The following ANKRD42 variants were observed in gnomAD, a reference collection of about 807,000 sequenced individuals.
ANKRD42 encodes the protein ankyrin repeat domain 42.
A neutral mutation model predicts 51.5 loss-of-function variants in ANKRD42; 43 were observed. The ratio of observed to expected loss-of-function variants is 0.83; its 90% CI spans 0.65 to 1.08. The LOEUF (loss-of-function observed/expected upper bound fraction) is 1.08. Among genes scored for constraint, ANKRD42 ranks in the 50% least tolerant of loss-of-function variants. The pLI, the probability that ANKRD42 is intolerant of heterozygous loss-of-function variation, is 0.00. For missense variants in ANKRD42, 608 were observed against 629.3 expected, an observed-to-expected ratio of 0.97 and a Z score of 0.36; for synonymous variants, 203 against 213.0, an observed-to-expected ratio of 0.95 and a Z score of 0.41.
chr11:83,234,419 A>G (rs1863167352), intron 7 of ANKRD42, among the ~76,000 whole-genome samples: 1 of 152,140 alleles, frequency 6.6e-6, no homozygotes, highest in Admixed American at 6.5e-5. Context: ...TTGGTCTTAA[A>G]TCTTAATTAT....
intron 5 of ANKRD42, among the ~76,000 whole-genome samples, chr11:83,222,499 A>G (rs1862745862): frequency 6.6e-6 from 1 of 152,206 alleles, no homozygotes; most frequent in Non-Finnish European, 1.5e-5. Context: ...AGAGTATTAG[A>G]GGGCATGGAA....
chr11:83,243,267 T>C (rs1863446088), intron 9 of ANKRD42, among the ~76,000 whole-genome samples: 1 of 152,252 alleles, frequency 6.6e-6, no homozygotes, highest in Non-Finnish European at 1.5e-5. Flanking sequence ...TCCATGTGTA[T>C]GTCTTCTTTT....
chr11:83,228,281 G>A (rs1225398842), intron 7 of ANKRD42, among the ~76,000 whole-genome samples: 2 of 104,260 alleles, frequency 1.9e-5, no homozygotes, highest in Non-Finnish European at 3.5e-5. Flanking sequence ...GACCGGGTCT[G>A]GTTCTGTCAC....
intron 4 of ANKRD42, 178 bp from the exon 5 acceptor site, chr11:83,211,117 A>G: frequency 1.3e-6 from 1 of 769,080 alleles, no homozygotes; most frequent in Non-Finnish European, 2.1e-6. Context: ...AGCCTGTTTT[A>G]TAAAATTTTA....
chr11:83,241,319 G>A (rs1863380489), intron 9 of ANKRD42, among the ~76,000 whole-genome samples: 1 of 152,182 alleles, frequency 6.6e-6, no homozygotes, highest in African/African-American at 2.4e-5. Flanking sequence ...AGTTATTGAA[G>A]TAATGGTGAA....
chr11:83,194,320 C>T lies in ANKRD42; in HGVS notation c.-351C>T, dbSNP rs1451135398. On this transcript the variant is annotated 5_prime_UTR_variant, in exon 1 of 11. Transcript: ENST00000533342. Reference sequence around the variant, plus strand: ...TAGAGTCAGTGACGATCGCAGTCGCCGCTTCAGTGGCTCCTGGGAGGGAGG... The same window carrying T: ...TAGAGTCAGTGACGATCGCAGTCGCTGCTTCAGTGGCTCCTGGGAGGGAGG... The T allele has an allele frequency of 3.8e-6, 2 of 523,232 alleles. No individual in the cohort carries two copies. The highest frequency in any genetic ancestry group is 7.4e-6 in the Non-Finnish European group (2 of 271,102). 32.4% of individuals were successfully genotyped at this position (523,232 alleles called of 1,614,324 possible).
At chr11:83,226,165 G>A (rs1182690559) in intron 6 of ANKRD42, among the ~76,000 whole-genome samples, 2 of 151,942 alleles carry the variant, frequency 1.3e-5, no homozygotes, top group Non-Finnish European at 2.9e-5. Context: ...GAACTTGCAG[G>A]TATGGAGGGC....
intron 3 of ANKRD42, chr11:83,209,735 C>A (rs1335030367): frequency 1.2e-5 from 8 of 672,078 alleles, no homozygotes; most frequent in African/African-American, 7.2e-5. Flanking sequence ...TTGTTTCTCA[C>A]TTTCATATTT....
downstream of ANKRD42, among the ~76,000 whole-genome samples, chr11:83,257,711 A>G (rs1863798834): frequency 6.6e-6 from 1 of 152,144 alleles, no homozygotes; most frequent in Non-Finnish European, 1.5e-5. Context: ...CTCTAACTTG[A>G]TGCTAAAGTT....
chr11:83,248,138 G>A lies in ANKRD42; in HGVS notation c.1518G>A (p.Glu506=). 6.5e-7 allele frequency: 1 copy of A among 1,542,856 alleles called. No individual in the cohort carries two copies. The highest frequency in any genetic ancestry group is 8.7e-7 in the Non-Finnish European group (1 of 1,146,474). The change falls in exon 11 of 11, where the codon GAG becomes GAA. Residue 506 remains glutamate, a synonymous_variant. Transcript: ENST00000533342. ...TTTTTCTCAAGAAGTATATACAAGA[G>A]TGGCCAAGAGTACAAGCTTTGGGCT... The part of the protein sequence containing the change: ...TFIFLKKYIQ[E]WPRVQALGWG...
Position 83,194,427 on chromosome 11 carries a change from T to C in ANKRD42, c.-244T>C, listed in dbSNP as rs1565171161. On this transcript the variant is annotated 5_prime_UTR_variant, in exon 1 of 11. Coordinates refer to ENST00000533342, the MANE Select transcript of ANKRD42 (RefSeq NM_001300975.2). ...GCGGCTACGCAGCCAGCGACTCCTC[T>C]GGTGTGAGCGGCAGTGAAGACGCCA... 2.9e-6 allele frequency: 2 copies of C among 689,154 alleles called. No homozygotes were observed. The highest frequency in any genetic ancestry group is 3.0e-5 in the South Asian group (2 of 66,616). The allele number at this position is 689,154 out of a possible 1,614,324, so 42.7% of individuals were successfully genotyped here. A position where few individuals can be genotyped will look rare whatever the true frequency, so the allele number is the denominator to read the frequency against.
chr11:83,248,827 C>A lies in ANKRD42; in HGVS notation c.*623C>A, dbSNP rs980718965. 5 of 979,006 alleles carry A rather than the reference C, an allele frequency of 5.1e-6. No individual in the cohort carries two copies. The East Asian group carries it at 4.5e-4, about 89-fold the overall frequency. 60.6% of individuals were successfully genotyped at this position (979,006 alleles called of 1,614,324 possible). On this transcript the variant is annotated 3_prime_UTR_variant, in exon 11 of 11. Coordinates refer to ENST00000533342, the MANE Select transcript of ANKRD42 (RefSeq NM_001300975.2). ...GCTATTGTTAACAATTTAGTACATA[C>A]CATATTAGACAAAATTCTATTTATC...
chr11:83,248,882 A>G lies in ANKRD42; in HGVS notation c.*678A>G. On this transcript the variant is annotated 3_prime_UTR_variant, in exon 11 of 11. Transcript: ENST00000533342. ...AACATGTATGTGTATTTCTATGCATATGCAAATATAACCACTTCCTCAGTT... is the reference window on the plus strand; with the variant it reads ...AACATGTATGTGTATTTCTATGCATGTGCAAATATAACCACTTCCTCAGTT... 1.0e-6 allele frequency: 1 copy of G among 983,376 alleles called. No homozygotes were observed. The highest frequency in any genetic ancestry group is 1.2e-6 in the Non-Finnish European group (1 of 828,020). The allele number at this position is 983,376 out of a possible 1,614,324, so 60.9% of individuals were successfully genotyped here.
chr11:83,222,284 T>A (rs78643513), intron 5 of ANKRD42, among the ~76,000 whole-genome samples: 2,767 of 152,298 alleles, frequency 0.018, 66 homozygotes, highest in African/African-American at 0.058. Context: ...TCTCAAAAAT[T>A]TTTATTAATT....
At chr11:83,232,452 A>G (rs1183785668) in intron 7 of ANKRD42, among the ~76,000 whole-genome samples, 2 of 152,184 alleles carry the variant, frequency 1.3e-5, no homozygotes, top group Admixed American at 1.3e-4. Context: ...GTGTTCTGCA[A>G]CTTTACTGAA....
At chr11:83,254,275 T>C (rs1863725121) in intron 11 of ANKRD42, among the ~76,000 whole-genome samples, 1 of 152,090 alleles carries the variant, frequency 6.6e-6, no homozygotes, top group Admixed American at 6.6e-5. Flanking sequence ...ATACCCTGCC[T>C]GTTTCTGGAA....
chr11:83,248,168 C>G lies in ANKRD42; in HGVS notation c.1548C>G (p.Gly516=), dbSNP rs1455821226. The G allele has an allele frequency of 6.5e-7, 1 of 1,528,184 alleles. No individual in the cohort carries two copies. The highest frequency in any genetic ancestry group is 8.8e-7 in the Non-Finnish European group (1 of 1,139,912). 94.7% of individuals were successfully genotyped at this position (1,528,184 alleles called of 1,614,324 possible). A position where few individuals can be genotyped will look rare whatever the true frequency, so the allele number is the denominator to read the frequency against. ...CAAGAGTACAAGCTTTGGGCTGGGG[C>G]TCTTTGGACTTGAATCCTGGCTATA... The part of the protein sequence containing the change: ...EWPRVQALGW[G]SLDLNPGYSL... The change falls in exon 11 of 11, where the codon GGC becomes GGG. Residue 516 remains glycine (G), a synonymous_variant. Transcript: ENST00000533342.
chr11:83,240,690 T>G, intron 8 of ANKRD42, 69 bp from the exon 9 acceptor site: 9 of 1,563,878 alleles, frequency 5.8e-6, no homozygotes, highest in Non-Finnish European at 7.9e-6. Context: ...TCCCCTAAGT[T>G]AAGTGCAAGC....
chr11:83,199,055 A>T (rs192235626), intron 2 of ANKRD42, among the ~76,000 whole-genome samples: 64 of 152,314 alleles, frequency 4.2e-4, no homozygotes, highest in African/African-American at 1.5e-3. Context: ...AGGTTTCTAC[A>T]TGTGAGCTAG....
Sources: allele counts gnomAD v4.1 joint callset (sites outside exome capture counted in the v4.1 genomes callset), GRCh38; gene constraint gnomAD v4.1.1; transcripts MANE v1.5; gene names NCBI Gene and HGNC (gene_info 2026-07-23, HGNC 2026-07-21).